The following PDE7B variants were observed in gnomAD, a reference collection of about 807,000 sequenced individuals.
PDE7B encodes the protein 3',5'-cyclic-AMP phosphodiesterase 7B.
PDE7B carries 29 observed loss-of-function variants against 56.2 expected under a neutral mutation model. That is an observed-to-expected ratio of 0.52 (90% CI 0.38 to 0.70). The LOEUF (loss-of-function observed/expected upper bound fraction) is 0.70, where lower values mean the gene tolerates loss of function less well. Among genes scored for constraint, PDE7B ranks in the 30% least tolerant of loss-of-function variants. The pLI, the probability that PDE7B is intolerant of heterozygous loss-of-function variation, is 0.00. For synonymous variants in PDE7B, 197 were observed against 196.9 expected (o/e 1.00, Z 0.00); for missense variants, 490 against 565.0 (o/e 0.87, Z 1.35).
intron 2 of PDE7B, among the ~76,000 whole-genome samples, chr6:136,069,199 G>C (rs985154876): frequency 2.0e-5 from 3 of 152,166 alleles, no homozygotes; most frequent in African/African-American, 7.2e-5. Flanking sequence ...CATAGCAAAG[G>C]AGAAAGAAAT....
At chr6:136,026,515 T>C (rs1363420649) in intron 2 of PDE7B, among the ~76,000 whole-genome samples, 1 of 152,178 alleles carries the variant, frequency 6.6e-6, no homozygotes, top group Non-Finnish European at 1.5e-5. Context: ...TCATCGGACT[T>C]AAATGTTTAG....
intron 1 of PDE7B, among the ~76,000 whole-genome samples, chr6:135,939,193 G>A (rs1774468101): frequency 6.6e-6 from 1 of 152,248 alleles, no homozygotes; most frequent in Non-Finnish European, 1.5e-5. Context: ...TCTTCTGGAA[G>A]GGTCACCTCA....
chr6:135,953,333 A>C (rs1303453337), intron 2 of PDE7B, among the ~76,000 whole-genome samples: 1 of 152,130 alleles, frequency 6.6e-6, no homozygotes, highest in Non-Finnish European at 1.5e-5. Flanking sequence ...TTAAGGCAAA[A>C]TAAGATTTGG....
intron 1 of PDE7B, among the ~76,000 whole-genome samples, chr6:135,893,072 T>G (rs1775836739): frequency 6.6e-6 from 1 of 152,010 alleles, no homozygotes; most frequent in South Asian, 2.1e-4. Context: ...TAGGAGCCTC[T>G]TTTTTTTAAT....
chr6:136,065,217 A>G (rs1776913196), intron 2 of PDE7B, among the ~76,000 whole-genome samples: 1 of 152,192 alleles, frequency 6.6e-6, no homozygotes, highest in Non-Finnish European at 1.5e-5. Context: ...CCATAAAATT[A>G]TGTTATTAAC....
chr6:135,936,278 C>A (rs1418170299), intron 1 of PDE7B, among the ~76,000 whole-genome samples: 1 of 152,200 alleles, frequency 6.6e-6, no homozygotes, highest in Non-Finnish European at 1.5e-5. Flanking sequence ...ATCTCTGAAT[C>A]ATGATGTCTG....
chr6:136,014,121 C>T (rs1369501632), intron 2 of PDE7B, among the ~76,000 whole-genome samples: 1 of 152,126 alleles, frequency 6.6e-6, no homozygotes, highest in East Asian at 1.9e-4. Flanking sequence ...GTAATTTCCC[C>T]CTTTCAAGTT....
intron 2 of PDE7B, among the ~76,000 whole-genome samples, chr6:136,098,562 C>G (rs1019277301): frequency 6.6e-6 from 1 of 152,096 alleles, no homozygotes; most frequent in Non-Finnish European, 1.5e-5. Context: ...CCAGATATTT[C>G]CAAGTTACTT....
At chr6:135,953,686 T>C (rs1355178878) in intron 2 of PDE7B, among the ~76,000 whole-genome samples, 1 of 152,184 alleles carries the variant, frequency 6.6e-6, no homozygotes, top group African/African-American at 2.4e-5. Flanking sequence ...AGATTTTAAA[T>C]ATTAAATGAT....
intron 1 of PDE7B, among the ~76,000 whole-genome samples, chr6:135,908,239 C>T (rs1776150637): frequency 1.3e-5 from 2 of 150,896 alleles, no homozygotes; most frequent in African/African-American, 4.9e-5. Context: ...CAGGCATGTG[C>T]CACCACGCCC....
intron 3 of PDE7B, among the ~76,000 whole-genome samples, chr6:136,127,214 C>T (rs561488425): frequency 1.3e-5 from 2 of 152,228 alleles, no homozygotes; most frequent in South Asian, 4.2e-4. Context: ...TACTTTGCGA[C>T]ATCCCACATC....
chr6:136,161,115 A>G (rs2128448578), intron 8 of PDE7B, among the ~76,000 whole-genome samples: 1 of 152,274 alleles, frequency 6.6e-6, no homozygotes, highest in South Asian at 2.1e-4. Context: ...AATATACAAT[A>G]GAGTATGTTG....
chr6:136,067,609 T>C (rs1443673925), intron 2 of PDE7B, among the ~76,000 whole-genome samples: 2 of 152,246 alleles, frequency 1.3e-5, no homozygotes, highest in Non-Finnish European at 2.9e-5. Context: ...CTTCTTCTTT[T>C]TAACTTTTTT....
intron 1 of PDE7B, among the ~76,000 whole-genome samples, chr6:135,945,200 G>C (rs762602872): frequency 1.3e-5 from 2 of 152,160 alleles, no homozygotes; most frequent in African/African-American, 4.8e-5. Context: ...TCCATGGGTC[G>C]TTAATCCTCA....
At chr6:135,902,658 A>G (rs929288213) in intron 1 of PDE7B, among the ~76,000 whole-genome samples, 1 of 152,138 alleles carries the variant, frequency 6.6e-6, no homozygotes, top group Non-Finnish European at 1.5e-5. Flanking sequence ...TTTGTTCTTC[A>G]GTCCTGCAAT....
chr6:136,010,389 C>CTTTTTTTTTTTTTT (rs1327188298), intron 2 of PDE7B, among the ~76,000 whole-genome samples: 3 of 98,826 alleles, frequency 3.0e-5, no homozygotes, highest in Non-Finnish European at 4.3e-5. Context: ...TTATTCCCTT[C>CTTTTTTTTTTTTTT]TTTTTTTTTT....
chr6:136,175,469 AAG>A (rs1299215471), intron 9 of PDE7B, among the ~76,000 whole-genome samples: 39 of 152,170 alleles, frequency 2.6e-4, no homozygotes, highest in Admixed American at 2.4e-3. Flanking sequence ...CTTGATATGA[AAG>A]AGAAAACTGA....
At chr6:135,856,738 T>TA (rs1015339814) in intron 1 of PDE7B, among the ~76,000 whole-genome samples, 3 of 152,150 alleles carry the variant, frequency 2.0e-5, no homozygotes, top group African/African-American at 7.2e-5. Flanking sequence ...TGGATAAACC[T>TA]AAAAACAACG....
At chr6:135,980,556 A>G (rs1775276535) in intron 2 of PDE7B, among the ~76,000 whole-genome samples, 1 of 152,138 alleles carries the variant, frequency 6.6e-6, no homozygotes, top group African/African-American at 2.4e-5. Flanking sequence ...ACAAAGGGCT[A>G]ATATCCAGCA....
Sources: allele counts gnomAD v4.1 joint callset (sites outside exome capture counted in the v4.1 genomes callset), GRCh38; gene constraint gnomAD v4.1.1; transcripts MANE v1.5; gene names NCBI Gene and HGNC (gene_info 2026-07-23, HGNC 2026-07-21).